Variants in TENM3 observed in about 807,000 individuals in gnomAD.
TENM3 encodes the protein teneurin-3.
Under a neutral mutation model 255.1 loss-of-function variants are expected in TENM3, and 63 were observed. The observed-to-expected ratio is 0.25, with a 90% CI of 0.20 to 0.30. TENM3 has a LOEUF of 0.30. TENM3 is among the 10% of genes least tolerant of loss of function. The pLI, the probability that TENM3 is intolerant of heterozygous loss-of-function variation, is 1.00. For synonymous variants in TENM3, 1,306 were observed against 1,322.3 expected, an observed-to-expected ratio of 0.99 and a Z score of 0.27; for missense variants, 2,929 against 3,461.1, an observed-to-expected ratio of 0.85 and a Z score of 3.86.
At chr4:181,489,073 T>C in the TENM3 span, among the ~76,000 whole-genome samples, 2 of 152,136 alleles carry the variant, frequency 1.3e-5, no homozygotes, top group African/African-American at 4.8e-5. Flanking sequence ...TCCCTGGAAA[T>C]TGGCAGGGTG....
At chr4:182,043,273 C>T in the TENM3 span, among the ~76,000 whole-genome samples, 1 of 152,138 alleles carries the variant, frequency 6.6e-6, no homozygotes, top group Non-Finnish European at 1.5e-5. Context: ...ATCTGTCTTC[C>T]GTTGATCTCA....
chr4:182,017,686 T>C, the TENM3 span, among the ~76,000 whole-genome samples: 2 of 152,220 alleles, frequency 1.3e-5, no homozygotes, highest in Non-Finnish European at 2.9e-5. Flanking sequence ...GGAATTTTTC[T>C]TGTAGTTCTT....
At chr4:181,571,368 A>G in the TENM3 span, among the ~76,000 whole-genome samples, 2 of 152,028 alleles carry the variant, frequency 1.3e-5, no homozygotes, top group African/African-American at 4.8e-5. Context: ...ACAGGGTCTC[A>G]CTCTGTTGCC....
In TENM3 at chr4:182,792,154, C is replaced by T. The variant is rs2152829772; in HGVS notation, c.5602-120C>T. 1 of 990,056 alleles carries T rather than the reference C, an allele frequency of 1.0e-6. No individual in the cohort carries two copies. Among genetic ancestry groups the T allele is most frequent in the East Asian group, 2.4e-5 (1 of 41,122 alleles). The allele number at this position is 990,056 out of a possible 1,614,324, so 61.3% of individuals were successfully genotyped here. ...TAACAACACGCAAGGTCAAGGATAA[C>T]TCAATTAAAATGAAAATCATTTTCT... On this transcript the variant is annotated intron_variant, in intron 25 of 27. Transcript: ENST00000511685. The surrounding 1 kb of genome is among the most constrained non-coding windows in gnomAD (Gnocchi z 6.3).
intron 3 of TENM3, among the ~76,000 whole-genome samples, chr4:182,473,898 C>T (rs920588257): frequency 3.9e-4 from 60 of 152,116 alleles, no homozygotes; most frequent in African/African-American, 1.4e-3. Flanking sequence ...TTCAAGGTTG[C>T]AGTGAGCTAT....
At chr4:181,984,361 T>C in the TENM3 span, among the ~76,000 whole-genome samples, 2 of 152,066 alleles carry the variant, frequency 1.3e-5, no homozygotes, top group Non-Finnish European at 2.9e-5. Flanking sequence ...TTACAGAAAA[T>C]GTATGCCTAT....
In TENM3 at chr4:182,327,633, C is replaced by T. The variant is rs117764058; in HGVS notation, c.232+3381C>T. Among the ~76,000 whole-genome samples the T allele has an allele frequency of 5.8e-3, 888 of 152,222 alleles. 16 individuals carry two copies. The highest frequency in any genetic ancestry group is 0.029 in the Admixed American group (448 of 15,302). On this transcript the variant is annotated intron_variant, in intron 2 of 27. Coordinates refer to ENST00000511685, the MANE Select transcript of TENM3 (RefSeq NM_001080477.4). ...TCTTCACAGTCATTGTGTAATTTGA[C>T]GGGATCTCACATTGATCTCTTTCTC...
intron 3 of TENM3, among the ~76,000 whole-genome samples, chr4:182,448,338 ACGCCCCGCGGG>A (rs1430938447): frequency 6.6e-6 from 1 of 152,038 alleles, no homozygotes; most frequent in Non-Finnish European, 1.5e-5. Flanking sequence ...TTCGCTGCGG[ACGCCCCGCGGG>A]CGCCAGGCTG....
chr4:181,729,309 G>A, the TENM3 span, among the ~76,000 whole-genome samples: 4 of 152,180 alleles, frequency 2.6e-5, no homozygotes, highest in Non-Finnish European at 5.9e-5. Flanking sequence ...AATGGAAGGG[G>A]AATGACATGA....
At chr4:182,649,676 A>C (rs541356110) in intron 5 of TENM3, among the ~76,000 whole-genome samples, 5 of 150,530 alleles carry the variant, frequency 3.3e-5, no homozygotes, top group Non-Finnish European at 5.9e-5. Context: ...TACTATCATC[A>C]TCATATTACT....
At chr4:182,642,632 G>A (rs1752413513) in intron 5 of TENM3, among the ~76,000 whole-genome samples, 1 of 152,170 alleles carries the variant, frequency 6.6e-6, no homozygotes, top group African/African-American at 2.4e-5. Context: ...AGGAAAAACA[G>A]CATAGAAATA....
chr4:182,004,047 C>T, the TENM3 span, among the ~76,000 whole-genome samples: 1 of 151,884 alleles, frequency 6.6e-6, no homozygotes, highest in Non-Finnish European at 1.5e-5. Context: ...GATGTGTAAC[C>T]ATATTGTAGT....
intron 3 of TENM3, among the ~76,000 whole-genome samples, chr4:182,578,667 G>C (rs1014545636): frequency 6.6e-6 from 1 of 152,048 alleles, no homozygotes; most frequent in Non-Finnish European, 1.5e-5. Context: ...TTGTACTCTG[G>C]AAGAGCACTC....
At chr4:181,458,637 G>A in the TENM3 span, among the ~76,000 whole-genome samples, 11 of 151,774 alleles carry the variant, frequency 7.2e-5, no homozygotes, top group East Asian at 1.3e-3. Flanking sequence ...CTCCCCACTC[G>A]TTCCTTGAAA....
At chr4:182,088,616 C>T in the TENM3 span, among the ~76,000 whole-genome samples, 103 of 152,040 alleles carry the variant, frequency 6.8e-4, no homozygotes, top group Admixed American at 3.8e-3. Flanking sequence ...GGGCGGATCA[C>T]GAGGTCAGGA....
chr4:182,666,771 C>T (rs2152540439), intron 6 of TENM3, among the ~76,000 whole-genome samples: 1 of 152,054 alleles, frequency 6.6e-6, no homozygotes, highest in Admixed American at 6.5e-5. Flanking sequence ...CGGTGGTGTG[C>T]ACCTGTAGTC....
chr4:181,448,934 A>G, the TENM3 span, among the ~76,000 whole-genome samples: 1 of 152,150 alleles, frequency 6.6e-6, no homozygotes, highest in East Asian at 1.9e-4. Flanking sequence ...AAATTTTACT[A>G]TTTGCTCCAC....
chr4:181,576,974 C>T, the TENM3 span, among the ~76,000 whole-genome samples: 3 of 132,794 alleles, frequency 2.3e-5, no homozygotes, highest in East Asian at 2.1e-4. Context: ...CCACCACACC[C>T]GGCTAATATT....
At chr4:182,220,919 G>A (rs995179163) in intron 1 of TENM3, among the ~76,000 whole-genome samples, 1 of 152,164 alleles carries the variant, frequency 6.6e-6, no homozygotes, top group African/African-American at 2.4e-5. Context: ...TTATTTAGAA[G>A]AAGTCTTAAG....
Sources: gnomAD v4.1 joint callset for allele counts (sites outside exome capture counted in the v4.1 genomes callset) on GRCh38, gnomAD v4.1.1 for gene constraint, Gnocchi (gnomAD v3.1) non-coding constraint, MANE v1.5 for transcripts, NCBI Gene and HGNC (gene_info 2026-07-23, HGNC 2026-07-21) for gene names.